The following RAD51B variants were observed in gnomAD, a reference collection of about 807,000 sequenced individuals.
RAD51B encodes the protein RAD51 paralog B.
A neutral mutation model predicts 42.2 loss-of-function variants in RAD51B; 38 were observed. That is an observed-to-expected ratio of 0.90 (90% CI 0.70 to 1.18). RAD51B has a LOEUF of 1.18. Among genes scored for constraint, RAD51B ranks in the 50% most tolerant of loss-of-function variants. The pLI, the probability that RAD51B is intolerant of heterozygous loss-of-function variation, is 0.00. For synonymous variants in RAD51B, 154 were observed against 145.2 expected (o/e 1.06, Z -0.43); for missense variants, 373 against 400.7 (o/e 0.93, Z 0.59).
intron 10 of RAD51B, among the ~76,000 whole-genome samples, chr14:68,520,681 A>C (rs1886514264): frequency 1.3e-5 from 2 of 152,196 alleles, no homozygotes; most frequent in Non-Finnish European, 2.9e-5. Context: ...CTTCACTTTA[A>C]TACTATCCAT....
intron 7 of RAD51B, among the ~76,000 whole-genome samples, chr14:68,043,337 A>C (rs2076244800): frequency 6.6e-6 from 1 of 152,150 alleles, no homozygotes; most frequent in South Asian, 2.1e-4. Context: ...CCTAAGATGC[A>C]TTTTGCCAAG....
At chr14:67,991,373 T>C (rs1400072606) in intron 7 of RAD51B, among the ~76,000 whole-genome samples, 1 of 152,228 alleles carries the variant, frequency 6.6e-6, no homozygotes, top group African/African-American at 2.4e-5. Context: ...AAAAAAACTT[T>C]GTGGAGATTA....
At chr14:67,862,527 T>TCAA (rs1278728227) in intron 4 of RAD51B, among the ~76,000 whole-genome samples, 3 of 152,068 alleles carry the variant, frequency 2.0e-5, no homozygotes, top group Admixed American at 6.5e-5. Context: ...TGAAGGAAGA[T>TCAA]CAATAAAAAC....
At chr14:68,478,802 T>C (rs1045901568), downstream of RAD51B, among the ~76,000 whole-genome samples, 2 of 152,142 alleles carry the variant, frequency 1.3e-5, no homozygotes, top group South Asian at 2.1e-4. Flanking sequence ...TAGGTGCAGA[T>C]TGATGAAGAT....
intron 8 of RAD51B, among the ~76,000 whole-genome samples, chr14:68,353,713 G>A (rs1253828675): frequency 6.6e-6 from 1 of 152,226 alleles, no homozygotes; most frequent in African/African-American, 2.4e-5. Flanking sequence ...GTTGGGGCCT[G>A]AGCCATTGTT....
intron 7 of RAD51B, among the ~76,000 whole-genome samples, chr14:68,044,218 T>C (rs1261012010): frequency 6.6e-6 from 1 of 152,230 alleles, no homozygotes; most frequent in African/African-American, 2.4e-5. Flanking sequence ...CAAATTTACA[T>C]GGATATCTTT....
intron 7 of RAD51B, among the ~76,000 whole-genome samples, chr14:67,916,067 A>G (rs2044140937): frequency 6.6e-6 from 1 of 152,220 alleles, no homozygotes; most frequent in African/African-American, 2.4e-5. Flanking sequence ...GAAGCAGTAC[A>G]TATTCTATTA....
At chr14:67,978,368 A>T (rs1330342294) in intron 7 of RAD51B, among the ~76,000 whole-genome samples, 1 of 152,168 alleles carries the variant, frequency 6.6e-6, no homozygotes, top group East Asian at 1.9e-4. Context: ...AAAATAAAGA[A>T]TATCAATTGA....
chr14:67,855,461 G>A (rs925140486), intron 4 of RAD51B, among the ~76,000 whole-genome samples: 1 of 146,544 alleles, frequency 6.8e-6, no homozygotes, highest in Non-Finnish European at 1.5e-5. Flanking sequence ...AGGATGGTCT[G>A]GATCTCCTGA....
intron 10 of RAD51B, among the ~76,000 whole-genome samples, chr14:68,640,502 G>A (rs988385654): frequency 6.6e-6 from 1 of 152,186 alleles, no homozygotes; most frequent in Non-Finnish European, 1.5e-5. Flanking sequence ...TGAGGGCCAG[G>A]TGCCTTACTA....
intron 7 of RAD51B, among the ~76,000 whole-genome samples, chr14:67,922,786 G>A (rs1270076507): frequency 2.0e-5 from 3 of 151,458 alleles, no homozygotes; most frequent in Non-Finnish European, 2.9e-5. Flanking sequence ...CCACCTCCCG[G>A]GTTCAAGCGA....
intron 8 of RAD51B, among the ~76,000 whole-genome samples, chr14:68,305,774 T>C (rs903096573): frequency 9.9e-5 from 15 of 152,188 alleles, no homozygotes; most frequent in African/African-American, 3.1e-4. Context: ...ACCTCCATCA[T>C]TGAGTTAGAC....
At chr14:68,642,941 C>T (rs990130272) in intron 10 of RAD51B, among the ~76,000 whole-genome samples, 10 of 151,966 alleles carry the variant, frequency 6.6e-5, no homozygotes, top group African/African-American at 2.2e-4. Flanking sequence ...AGTTTAATTC[C>T]GTTGTAGTTT....
intron 7 of RAD51B, among the ~76,000 whole-genome samples, chr14:68,171,891 G>C (rs2078880158): frequency 1.3e-5 from 2 of 151,556 alleles, no homozygotes; most frequent in African/African-American, 4.9e-5. Flanking sequence ...ATTTTTAGTA[G>C]ATACAAGGTT....
chr14:68,101,813 A>T (rs777022185), intron 7 of RAD51B, among the ~76,000 whole-genome samples: 3 of 152,190 alleles, frequency 2.0e-5, no homozygotes, highest in Non-Finnish European at 4.4e-5. Context: ...GCAGTGCCCC[A>T]GTAGGGACTC....
At chr14:68,122,450 T>G (rs1006733212) in intron 7 of RAD51B, among the ~76,000 whole-genome samples, 15 of 152,096 alleles carry the variant, frequency 9.9e-5, no homozygotes, top group South Asian at 2.1e-4. Context: ...GCTTTTAAAA[T>G]TTAAGAAAAA....
At chr14:68,285,251 A>G (rs1362096113) in intron 7 of RAD51B, among the ~76,000 whole-genome samples, 2 of 152,230 alleles carry the variant, frequency 1.3e-5, no homozygotes, top group African/African-American at 4.8e-5. Flanking sequence ...AGCCAGGATT[A>G]AAACTTGAAT....
chr14:68,015,867 T>C (rs1185073227), intron 7 of RAD51B, among the ~76,000 whole-genome samples: 1 of 152,254 alleles, frequency 6.6e-6, no homozygotes, highest in Non-Finnish European at 1.5e-5. Flanking sequence ...CATTTATTCA[T>C]TTATAAATGC....
At chr14:68,312,536 G>C (rs1024961000) in intron 8 of RAD51B, among the ~76,000 whole-genome samples, 3 of 151,716 alleles carry the variant, frequency 2.0e-5, no homozygotes, top group African/African-American at 7.3e-5. Context: ...TTTTTTCCCT[G>C]AACAAAGGTA....
Sources: allele counts gnomAD v4.1 joint callset (sites outside exome capture counted in the v4.1 genomes callset), GRCh38; gene constraint gnomAD v4.1.1; transcripts MANE v1.5; gene names NCBI Gene and HGNC (gene_info 2026-07-23, HGNC 2026-07-21).